ANO1: variants seen among roughly 807,000 people sequenced by gnomAD.
ANO1 encodes the protein anoctamin 1.
Under a neutral mutation model 124.0 loss-of-function variants are expected in ANO1, and 59 were observed. The ratio of observed to expected loss-of-function variants is 0.48; its 90% CI spans 0.39 to 0.59. ANO1 has a LOEUF of 0.59. Among genes scored for constraint, ANO1 ranks in the 20% least tolerant of loss-of-function variants. ANO1 has a pLI of 0.00. For synonymous variants in ANO1, 529 were observed against 532.0 expected (o/e 0.99, Z 0.08); for missense variants, 1,059 against 1,328.0 (o/e 0.80, Z 3.15).
intron 10 of ANO1, 46 bp downstream of exon 10, chr11:70,126,241 C>T (rs373398897): frequency 2.6e-4 from 408 of 1,581,332 alleles, no homozygotes; most frequent in Non-Finnish European, 3.4e-4. Flanking sequence ...ACAGAGGAGC[C>T]CTCTCCTGCC....
chr11:70,169,276 G>A (rs111756473), intron 21 of ANO1, among the ~76,000 whole-genome samples: 7 of 152,056 alleles, frequency 4.6e-5, no homozygotes, highest in Admixed American at 2.0e-4. Flanking sequence ...CCACATACAC[G>A]GGGAGTGGCT....
rs116073705 is a variant in ANO1, at chr11:70,165,376, G to T, written c.1951-94G>T. On this transcript the variant is annotated intron_variant, in intron 19 of 25. Coordinates refer to ENST00000355303, the MANE Select transcript of ANO1 (RefSeq NM_018043.7). The stretch of plus-strand genomic sequence containing the variant: ...GAGCGTCTTTTTTTGGAGGACGCAG[G>T]TCAACCCACAGCATGAGGGTGGGCC... The T allele has an allele frequency of 4.3e-3, 4,610 of 1,070,848 alleles. 86 individuals are homozygous for T. The African/African-American group carries it at 0.046, about 11-fold the overall frequency. 66.3% of individuals were successfully genotyped at this position (1,070,848 alleles called of 1,614,324 possible). A position where few individuals can be genotyped will look rare whatever the true frequency, so the allele number is the denominator to read the frequency against.
At chr11:70,048,552 A>T (rs1176394432) in intron 1 of ANO1, among the ~76,000 whole-genome samples, 1 of 151,744 alleles carries the variant, frequency 6.6e-6, no homozygotes, top group Non-Finnish European at 1.5e-5. Context: ...TTGTCCTGGG[A>T]TGTCTCTGTC....
chr11:70,000,651 C>G (rs1554999116), intron 1 of ANO1, among the ~76,000 whole-genome samples: 2 of 151,032 alleles, frequency 1.3e-5, no homozygotes. Flanking sequence ...CAAAGCCACC[C>G]CTGAGCAGTT....
In ANO1 at chr11:70,175,438, C is replaced by T. The variant is rs180903591; in HGVS notation, c.2350+4399C>T. ...GCTCCTTGAGAGGACAGAGAGGGCC[C>T]CTGTGGCCCCTGTGACCTGCGCCCC... On this transcript the variant is annotated intron_variant, in intron 22 of 25. Coordinates refer to ENST00000355303, the MANE Select transcript of ANO1 (RefSeq NM_018043.7). Among the ~76,000 whole-genome samples, 491 of 152,348 alleles carry T rather than the reference C, an allele frequency of 3.2e-3. 9 individuals are homozygous for T. The highest frequency in any genetic ancestry group is 0.028 in the Admixed American group (436 of 15,302).
intron 1 of ANO1, among the ~76,000 whole-genome samples, chr11:69,988,124 C>T (rs954198085): frequency 1.3e-5 from 2 of 152,222 alleles, no homozygotes; most frequent in Admixed American, 6.5e-5. Flanking sequence ...CACAGCACCA[C>T]GCCACTTTCG....
chr11:70,003,597 G>GGATA lies in ANO1; in HGVS notation c.58+17434_58+17435insAGAT, dbSNP rs1365186446. Among the ~76,000 whole-genome samples the GGATA allele has an allele frequency of 5.7e-3, 363 of 63,364 alleles. 10 individuals are homozygous for GGATA. Among genetic ancestry groups the GGATA allele is most frequent in the East Asian group, 6.9e-3 (22 of 3,192 alleles). The allele number at this position is 63,364 out of a possible 152,430, so 41.6% of individuals were successfully genotyped here. A position where few individuals can be genotyped will look rare whatever the true frequency, so the allele number is the denominator to read the frequency against. ...ATAAATTGTTGGTGGATGGATGGGT[G>GGATA]GATGGATGGATGGATGGATGGATGG... On this transcript the variant is annotated intron_variant, in intron 1 of 27. Transcript: ENST00000531349.
At chr11:70,134,708 G>A (rs894124592) in intron 11 of ANO1, among the ~76,000 whole-genome samples, 1 of 152,186 alleles carries the variant, frequency 6.6e-6, no homozygotes, top group Non-Finnish European at 1.5e-5. Flanking sequence ...TGGTGTGTGG[G>A]AGCTACTCAT....
At chr11:70,006,988 T>A (rs938326598) in intron 1 of ANO1, among the ~76,000 whole-genome samples, 6 of 152,074 alleles carry the variant, frequency 3.9e-5, no homozygotes, top group African/African-American at 1.4e-4. Flanking sequence ...TCATTTTAAA[T>A]GTACAGTACA....
At chr11:69,969,142 C>T in the ANO1 span, among the ~76,000 whole-genome samples, 1 of 152,200 alleles carries the variant, frequency 6.6e-6, no homozygotes, top group Non-Finnish European at 1.5e-5. Flanking sequence ...AGCCACGGGA[C>T]TGCAAGGGCT....
intron 1 of ANO1, chr11:70,073,087 G>A (rs2044001213): frequency 6.6e-6 from 1 of 152,256 alleles, no homozygotes; most frequent in South Asian, 2.1e-4. Context: ...GCTGGTGAAA[G>A]GAAATTGCCA....
intron 22 of ANO1, among the ~76,000 whole-genome samples, chr11:70,172,142 GAAAA>G (rs1174598107): frequency 6.8e-6 from 1 of 146,272 alleles, no homozygotes; most frequent in Non-Finnish European, 1.5e-5. Context: ...AAAAAGAAAA[GAAAA>G]GAAAAGAAAA....
At chr11:70,009,716 G>A (rs1405560469) in intron 1 of ANO1, among the ~76,000 whole-genome samples, 1 of 152,174 alleles carries the variant, frequency 6.6e-6, no homozygotes, top group Non-Finnish European at 1.5e-5. Context: ...CAAAGGGGAT[G>A]AGCCTGTGCA....
chr11:70,097,960 G>T (rs144116149), intron 2 of ANO1, among the ~76,000 whole-genome samples: 2 of 152,346 alleles, frequency 1.3e-5, no homozygotes, highest in Admixed American at 6.5e-5. Context: ...AGATGCCAGG[G>T]CTGCTGAAAA....
At chr11:70,067,957 G>C (rs1254128704) in intron 1 of ANO1, among the ~76,000 whole-genome samples, 3 of 152,132 alleles carry the variant, frequency 2.0e-5, no homozygotes, top group Non-Finnish European at 4.4e-5. Context: ...TCACACCTGC[G>C]GGTCTGTGCC....
At chr11:70,148,142 G>T (rs1050520623) in intron 11 of ANO1, among the ~76,000 whole-genome samples, 7 of 152,058 alleles carry the variant, frequency 4.6e-5, no homozygotes, top group African/African-American at 1.7e-4. Context: ...CCTGCCACAC[G>T]CTGCCTTCAG....
At chr11:70,029,023 C>T (rs1961962) in intron 1 of ANO1, among the ~76,000 whole-genome samples, 44,315 of 152,030 alleles carry the variant, frequency 0.29, 6,976 homozygotes, top group East Asian at 0.63. Flanking sequence ...CTCAGGTGAT[C>T]CACCCACCTC....
intron 19 of ANO1, 82 bp from the exon 20 acceptor site, chr11:70,165,388 C>A: frequency 8.6e-7 from 1 of 1,169,468 alleles, no homozygotes; most frequent in Non-Finnish European, 1.2e-6. Flanking sequence ...CAACCCACAG[C>A]ATGAGGGTGG....
intron 1 of ANO1, among the ~76,000 whole-genome samples, chr11:70,013,024 C>A (rs1364230874): frequency 6.6e-6 from 1 of 152,194 alleles, no homozygotes; most frequent in Non-Finnish European, 1.5e-5. Flanking sequence ...AGGGCAGGTG[C>A]TTTGAGAATT....
Sources: gnomAD v4.1 joint callset for allele counts (sites outside exome capture counted in the v4.1 genomes callset) on GRCh38, gnomAD v4.1.1 for gene constraint, MANE v1.5 for transcripts, NCBI Gene and HGNC (gene_info 2026-07-23, HGNC 2026-07-21) for gene names.